The following KCNAB2 variants were observed in gnomAD, a reference collection of about 807,000 sequenced individuals.
The protein encoded by KCNAB2 is potassium voltage-gated channel subfamily A regulatory beta subunit 2, also known as voltage-gated potassium channel subunit beta-2.
Under a neutral mutation model 63.6 loss-of-function variants are expected in KCNAB2, and 29 were observed. That is an observed-to-expected ratio of 0.46 (90% CI 0.34 to 0.62). The LOEUF (loss-of-function observed/expected upper bound fraction) is 0.62, where lower values mean the gene tolerates loss of function less well. Among genes scored for constraint, KCNAB2 ranks in the 20% least tolerant of loss-of-function variants. The pLI is 0.01. For synonymous variants in KCNAB2, 222 were observed against 224.2 expected (o/e 0.99, Z 0.09); for missense variants, 359 against 563.9 (o/e 0.64, Z 3.68).
At chr1:6,088,675 G>A (rs1664907454) in intron 7 of KCNAB2, among the ~76,000 whole-genome samples, 1 of 150,972 alleles carries the variant, frequency 6.6e-6, no homozygotes, top group African/African-American at 2.4e-5. Context: ...GAGCCACTGT[G>A]CCCAGCCTGA....
intron 2 of KCNAB2, chr1:6,040,700 G>A (rs1660429497): frequency 8.5e-7 from 1 of 1,172,186 alleles, no homozygotes; most frequent in East Asian, 2.4e-5. Flanking sequence ...CTGCTTCGAG[G>A]ACGGGTTCCC....
At position 6,095,448 on chromosome 1, in the gene KCNAB2, G is replaced by T; in HGVS notation, c.853+5G>T. 6.2e-7 allele frequency: 1 copy of T among 1,612,884 alleles called. No homozygotes were observed. Among genetic ancestry groups the T allele is most frequent in the African/African-American group, 1.3e-5 (1 of 75,064 alleles). On this transcript the variant is annotated splice_donor_5th_base_variant and intron_variant, in intron 12 of 15. Transcript: ENST00000378083. ...CGGAGCTGTTCCACAAGATAGGTGGGCACCCTCGGGCCCCTCGCCCCGCCC... is the reference window on the plus strand; with the variant it reads ...CGGAGCTGTTCCACAAGATAGGTGGTCACCCTCGGGCCCCTCGCCCCGCCC...
intron 8 of KCNAB2, 57 bp downstream of exon 8, chr1:6,089,108 G>A (rs1327522007): frequency 6.6e-7 from 1 of 1,510,956 alleles, no homozygotes. Flanking sequence ...ATCCTCGGAG[G>A]CCAAAGTGAT....
chr1:6,036,375 C>T (rs1295092), intron 1 of KCNAB2, among the ~76,000 whole-genome samples: 52,278 of 151,784 alleles, frequency 0.34, 9,171 homozygotes, highest in Admixed American at 0.42. Context: ...TGGTGGTGCA[C>T]GTCTGTAATC....
chr1:6,062,253 G>T (rs574994518), intron 2 of KCNAB2, among the ~76,000 whole-genome samples: 88 of 151,840 alleles, frequency 5.8e-4, no homozygotes, highest in African/African-American at 1.7e-3. Flanking sequence ...GGTGGAGGTT[G>T]CAGTGAGCCA....
At chr1:6,019,418 G>A (rs758610218) in intron 1 of KCNAB2, among the ~76,000 whole-genome samples, 12 of 152,226 alleles carry the variant, frequency 7.9e-5, no homozygotes, top group Admixed American at 5.2e-4. Context: ...GAGGGAAGCC[G>A]TCACACTGCA....
In KCNAB2 at chr1:6,100,279, C is replaced by G. The variant is rs568587602; in HGVS notation, c.*1705C>G. ...ACCCCCCTTCATGCTGCCCCTGGCG[C>G]CTAGAACCCTTGCCCCTCCTCATAG... On this transcript the variant is annotated 3_prime_UTR_variant, in exon 16 of 16. Transcript: ENST00000378083. 2 of 493,388 alleles carry G rather than the reference C, an allele frequency of 4.1e-6. No individual in the cohort carries two copies. The highest frequency in any genetic ancestry group is 7.7e-5 in the Admixed American group (2 of 25,956). The allele number at this position is 493,388 out of a possible 1,614,324, so 30.6% of individuals were successfully genotyped here. A position where few individuals can be genotyped will look rare whatever the true frequency, so the allele number is the denominator to read the frequency against.
At chr1:6,079,687 G>A (rs1454532399) in intron 4 of KCNAB2, among the ~76,000 whole-genome samples, 1 of 152,158 alleles carries the variant, frequency 6.6e-6, no homozygotes, top group African/African-American at 2.4e-5. Context: ...ATAAATACCA[G>A]AGAATGATGG....
intron 2 of KCNAB2, among the ~76,000 whole-genome samples, chr1:6,063,910 G>A (rs942358854): frequency 9.2e-5 from 14 of 152,280 alleles, no homozygotes; most frequent in African/African-American, 3.1e-4. Context: ...CGGGGGGATT[G>A]CCTGGTCATG....
At chr1:6,037,550 G>T (rs1205200694) in intron 1 of KCNAB2, among the ~76,000 whole-genome samples, 4 of 152,208 alleles carry the variant, frequency 2.6e-5, no homozygotes, top group Admixed American at 6.5e-5. Context: ...GCTTGTAGGG[G>T]AGCCTCCCAC....
At chr1:6,084,643 C>G (rs572303609) in intron 5 of KCNAB2, among the ~76,000 whole-genome samples, 2 of 152,090 alleles carry the variant, frequency 1.3e-5, no homozygotes, top group Non-Finnish European at 2.9e-5. Context: ...TAGTGAAACC[C>G]CGTCTCTACT....
At position 6,084,554 on chromosome 1, in the gene KCNAB2, G is replaced by A. The variant is rs138420967; in HGVS notation, c.381-650G>A. Among the ~76,000 whole-genome samples, 10 of 152,302 alleles carry A rather than the reference G, an allele frequency of 6.6e-5. No homozygotes were observed. In the East Asian group the frequency reaches 1.3e-3, roughly 21 times the overall value. ...TACTTGTCCCGGCGCGGTGGCTCACGCCTGGAATCCCAGCACTTTGGGAGG... is the reference window on the plus strand; with the variant it reads ...TACTTGTCCCGGCGCGGTGGCTCACACCTGGAATCCCAGCACTTTGGGAGG... On this transcript the variant is annotated intron_variant, in intron 5 of 15. Coordinates refer to ENST00000378083, the MANE Select transcript of KCNAB2 (RefSeq NM_001199862.2).
intron 1 of KCNAB2, among the ~76,000 whole-genome samples, chr1:6,016,615 A>G (rs1164914898): frequency 4.6e-5 from 7 of 152,240 alleles, no homozygotes; most frequent in Admixed American, 1.3e-4. Flanking sequence ...CTTTTAAGCC[A>G]TGAGGTTTGC....
At chr1:6,057,124 G>A (rs1661904332) in intron 2 of KCNAB2, among the ~76,000 whole-genome samples, 1 of 150,586 alleles carries the variant, frequency 6.6e-6, no homozygotes, top group Middle Eastern at 3.2e-3. Context: ...CTAGATGGTG[G>A]GAAGACAGGA....
intron 1 of KCNAB2, among the ~76,000 whole-genome samples, chr1:5,998,857 C>T (rs1314986550): frequency 6.6e-6 from 1 of 152,214 alleles, no homozygotes; most frequent in Non-Finnish European, 1.5e-5. Context: ...CTAAGGCCTC[C>T]AAGCTACTAG....
intron 1 of KCNAB2, among the ~76,000 whole-genome samples, chr1:6,025,521 G>A (rs1659090991): frequency 6.6e-6 from 1 of 152,210 alleles, no homozygotes; most frequent in African/African-American, 2.4e-5. Flanking sequence ...AGAGCAGGGA[G>A]AGGCCGCGGG....
intron 4 of KCNAB2, among the ~76,000 whole-genome samples, chr1:6,079,827 A>T (rs921004997): frequency 6.6e-6 from 1 of 152,246 alleles, no homozygotes; most frequent in Non-Finnish European, 1.5e-5. Context: ...ACTTACTGCC[A>T]TTGAACTATG....
In KCNAB2 at chr1:6,101,157, CAAAAT is replaced by C. The variant is rs1406547133; in HGVS notation, c.*2587_*2591del. 8 of 152,190 alleles carry C rather than the reference CAAAAT, an allele frequency of 5.3e-5. No individual in the cohort carries two copies. Among genetic ancestry groups the C allele is most frequent in the African/African-American group, 1.9e-4 (8 of 41,420 alleles). The allele number at this position is 152,190 out of a possible 1,614,324, so 9.4% of individuals were successfully genotyped here. ...CACAGCCACCGTATTTATGGAATGA[CAAAAT>C]AAATAAAGCCCAAACCCATCGGTCT... On this transcript the variant is annotated 3_prime_UTR_variant, in exon 16 of 16. Coordinates refer to ENST00000378083, the MANE Select transcript of KCNAB2 (RefSeq NM_001199862.2).
At chr1:6,009,873 CT>C (rs202118090) in intron 1 of KCNAB2, among the ~76,000 whole-genome samples, 56,278 of 138,880 alleles carry the variant, frequency 0.41, 11,512 homozygotes, top group East Asian at 0.59. Flanking sequence ...TTCTTTTTTT[CT>C]TTTTTTTTTT....
Sources: gnomAD v4.1 joint callset for allele counts (sites outside exome capture counted in the v4.1 genomes callset) on GRCh38, gnomAD v4.1.1 for gene constraint, MANE v1.5 for transcripts, NCBI Gene and HGNC (gene_info 2026-07-23, HGNC 2026-07-21) for gene names.